Variants in TCEA2 observed in about 807,000 individuals in gnomAD.
TCEA2 encodes the protein transcription elongation factor A2.
A neutral mutation model predicts 40.8 loss-of-function variants in TCEA2; 21 were observed. That is an observed-to-expected ratio of 0.51 (90% CI 0.36 to 0.74). The LOEUF (loss-of-function observed/expected upper bound fraction) is 0.74. TCEA2 is among the 30% of genes least tolerant of loss of function. TCEA2 has a pLI of 0.00. For synonymous variants in TCEA2, 165 were observed against 162.7 expected, an observed-to-expected ratio of 1.01 and a Z score of -0.11; for missense variants, 326 against 426.5, an observed-to-expected ratio of 0.76 and a Z score of 2.08.
At position 64,070,311 on chromosome 20, in the gene TCEA2, G is replaced by A. The variant is rs777019749; in HGVS notation, c.569G>A (p.Arg190Gln). 3.7e-6 allele frequency: 6 copies of A among 1,614,100 alleles called. No individual in the cohort carries two copies. Among genetic ancestry groups the A allele is most frequent in the Admixed American group, 1.7e-5 (1 of 60,008 alleles). Residue 190 changes from arginine (R) to glutamine (Q), a missense_variant, in exon 7 of 10, where the codon CGG becomes CAG. Coordinates refer to ENST00000343484, the MANE Select transcript of TCEA2 (RefSeq NM_003195.6). The part of the protein sequence containing the change: ...NTDMKYKNRV[R>Q]SRISNLKDAK... Reference sequence around the variant, plus strand: ...GACATGAAGTATAAGAACCGTGTACGGAGTCGTATCTCCAACCTGAAGGAT... The same window carrying A: ...GACATGAAGTATAAGAACCGTGTACAGAGTCGTATCTCCAACCTGAAGGAT...
upstream of TCEA2, among the ~76,000 whole-genome samples, chr20:64,056,004 G>T (rs779464322): frequency 9.9e-5 from 15 of 152,064 alleles, no homozygotes; most frequent in Admixed American, 5.9e-4. Flanking sequence ...TGGAGTGGCC[G>T]CCAGGCTGGC....
chr20:64,069,214 C>A, intron 4 of TCEA2, 147 bp from the exon 5 acceptor site: 1 of 1,273,484 alleles, frequency 7.9e-7, no homozygotes, highest in Non-Finnish European at 1.1e-6. Context: ...TAGGCAGGGC[C>A]ACAGGCCACT....
chr20:64,069,362 C>T lies in TCEA2; in HGVS notation c.331C>T (p.Arg111Cys), dbSNP rs137942162. Residue 111 changes from arginine (R) to cysteine (C), a missense_variant and splice_region_variant, in exon 5 of 10, where the codon CGC (arginine) becomes TGC (cysteine). By Grantham distance (180) the Arg-to-Cys change is radical. Coordinates refer to ENST00000343484, the MANE Select transcript of TCEA2 (RefSeq NM_003195.6). Reference sequence around the variant, plus strand: ...CCAGCTGGCCCTGGCTCTCTGCAGCCGCAAGAGGCCGGAGCTGCCCAGGGC... The same window carrying T: ...CCAGCTGGCCCTGGCTCTCTGCAGCTGCAAGAGGCCGGAGCTGCCCAGGGC... ...RDASEAPDPS[R>C]KRPELPRAPS... The T allele has an allele frequency of 3.8e-6, 6 of 1,579,788 alleles. No individual in the cohort carries two copies. Among genetic ancestry groups the T allele is most frequent in the East Asian group, 2.3e-5 (1 of 43,190 alleles).
At chr20:64,062,088 G>A (rs533116310), upstream of TCEA2, among the ~76,000 whole-genome samples, 7 of 152,346 alleles carry the variant, frequency 4.6e-5, no homozygotes, top group South Asian at 1.4e-3. Context: ...GGGAAGCTCA[G>A]TTATATGTGA....
intron 1 of TCEA2, chr20:64,063,638 C>A: frequency 1.9e-6 from 1 of 533,088 alleles, no homozygotes; most frequent in Non-Finnish European, 3.3e-6. Context: ...GAGAGCCACC[C>A]GCTCTGGACT....
upstream of TCEA2, chr20:64,062,314 C>T (rs2059581980): frequency 6.6e-6 from 1 of 152,332 alleles, no homozygotes; most frequent in Admixed American, 6.5e-5. Context: ...CGTCCTCAAC[C>T]CTCCCTAGGC....
chr20:64,066,418 G>A (rs1049919039), intron 1 of TCEA2, 58 bp from the exon 2 acceptor site: 3 of 1,577,198 alleles, frequency 1.9e-6, no homozygotes, highest in South Asian at 2.2e-5. Flanking sequence ...GGCAGAAGGA[G>A]GTGATATTGT....
chr20:64,061,978 C>T (rs1208494234), upstream of TCEA2, among the ~76,000 whole-genome samples: 3 of 152,238 alleles, frequency 2.0e-5, no homozygotes, highest in African/African-American at 7.2e-5. Context: ...ATCCACCCGC[C>T]TGGGCCTCCC....
rs779936092 is a variant in TCEA2, at chr20:64,071,919, A to G, written c.869A>G (p.Asn290Ser). The change falls in exon 9 of 10, where the codon AAC becomes AGC. Residue 290 changes from asparagine (N) to serine (S), a missense_variant. Coordinates refer to ENST00000343484, the MANE Select transcript of TCEA2 (RefSeq NM_003195.6). ...DEPMTTFVVC[N>S]ECGNRWKFC is the part of the protein sequence containing the mutation. ...CCCATGACCACCTTTGTTGTCTGCA[A>G]CGAGTGTGGAAACCGCTGGAAGGTG... The G allele has an allele frequency of 1.2e-6, 2 of 1,614,146 alleles. No individual in the cohort carries two copies. The highest frequency in any genetic ancestry group is 2.2e-5 in the South Asian group (2 of 91,086).
upstream of TCEA2, among the ~76,000 whole-genome samples, chr20:64,060,067 T>G (rs1165976238): frequency 6.6e-6 from 1 of 152,206 alleles, no homozygotes; most frequent in Non-Finnish European, 1.5e-5. Flanking sequence ...TGGCAGCTCC[T>G]TGATGCTTCT....
At chr20:64,066,364 G>T in intron 1 of TCEA2, 112 bp from the exon 2 acceptor site, 1 of 1,363,134 alleles carries the variant, frequency 7.3e-7, no homozygotes, top group South Asian at 1.3e-5. Flanking sequence ...TTTGACCCCA[G>T]GTTGAATCTC....
At chr20:64,060,326 A>C (rs975399752), upstream of TCEA2, among the ~76,000 whole-genome samples, 1 of 152,210 alleles carries the variant, frequency 6.6e-6, no homozygotes, top group East Asian at 1.9e-4. Context: ...GGAGAAGCCT[A>C]TGTGTCTGGC....
upstream of TCEA2, chr20:64,063,114 C>A: frequency 3.0e-6 from 1 of 328,546 alleles, no homozygotes. Flanking sequence ...GCGGCGGGCG[C>A]GGCAGGCGGG....
chr20:64,067,067 A>C, intron 3 of TCEA2, 47 bp downstream of exon 3: 2 of 1,546,486 alleles, frequency 1.3e-6, no homozygotes, highest in Non-Finnish European at 1.8e-6. Flanking sequence ...GGGGTCCCAG[A>C]AGTGCTGCCT....
At chr20:64,057,734 CGGGACCAGGGGCA>C (rs2059491719) in intron 1 of TCEA2, 2 of 152,244 alleles carry the variant, frequency 1.3e-5, no homozygotes, top group East Asian at 3.8e-4. Context: ...CTGAGGGACC[CGGGACCAGGGGCA>C]CTGGGGAGTT....
At chr20:64,058,890 C>T (rs1011520626), upstream of TCEA2, among the ~76,000 whole-genome samples, 5 of 151,978 alleles carry the variant, frequency 3.3e-5, no homozygotes, top group Admixed American at 6.6e-5. The surrounding 1 kb of genome is among the most constrained non-coding windows in gnomAD (Gnocchi z 6.7). Context: ...TGCTAGAGGT[C>T]GGTATAAAGG....
Position 64,069,390 on chromosome 20 carries a change from C to T in TCEA2, c.359C>T (p.Pro120Leu), listed in dbSNP as rs750068319. Residue 120 changes from proline to leucine, a missense_variant, in exon 5 of 10, where the codon CCG becomes CTG. Pro to Leu is a moderately conservative substitution (Grantham distance 98). Transcript: ENST00000343484. The stretch of plus-strand genomic sequence containing the variant: ...AAGAGGCCGGAGCTGCCCAGGGCAC[C>T]GTCGACTCCGAGGATCACCACATTT... Reference protein sequence around the residue: ...SRKRPELPRAPSTPRITTFPP... With the variant: ...SRKRPELPRALSTPRITTFPP... 33 of 1,604,598 alleles carry T rather than the reference C, an allele frequency of 2.1e-5. No individual in the cohort carries two copies. The highest frequency in any genetic ancestry group is 2.5e-5 in the Non-Finnish European group (29 of 1,175,838).
At chr20:64,066,367 T>C (rs1188155319) in intron 1 of TCEA2, 109 bp from the exon 2 acceptor site, 2 of 1,384,610 alleles carry the variant, frequency 1.4e-6, no homozygotes, top group Non-Finnish European at 2.0e-6. Flanking sequence ...GACCCCAGGT[T>C]GAATCTCCAA....
Position 64,069,371 on chromosome 20 carries a change from C to A in TCEA2, c.340C>A (p.Pro114Thr). ...SEAPDPSRKR[P>T]ELPRAPSTPR... The stretch of plus-strand genomic sequence containing the variant: ...CCTGGCTCTCTGCAGCCGCAAGAGG[C>A]CGGAGCTGCCCAGGGCACCGTCGAC... The change falls in exon 5 of 10, where the codon CCG (proline) becomes ACG (threonine). Residue 114 changes from proline (P) to threonine (T), a missense_variant. Pro to Thr is a conservative substitution (Grantham distance 38). Coordinates refer to ENST00000343484, the MANE Select transcript of TCEA2 (RefSeq NM_003195.6). 1 of 1,589,528 alleles carries A rather than the reference C, an allele frequency of 6.3e-7. No homozygotes were observed. Among genetic ancestry groups the A allele is most frequent in the Non-Finnish European group, 8.6e-7 (1 of 1,167,774 alleles).
Sources: allele counts gnomAD v4.1 joint callset (sites outside exome capture counted in the v4.1 genomes callset), GRCh38; gene constraint gnomAD v4.1.1; non-coding constraint Gnocchi (gnomAD v3.1); transcripts MANE v1.5; gene names NCBI Gene and HGNC (gene_info 2026-07-23, HGNC 2026-07-21).